CSGALNACT1: variants seen among roughly 807,000 people sequenced by gnomAD.
The protein encoded by CSGALNACT1 is chondroitin sulfate N-acetylgalactosaminyltransferase 1.
In CSGALNACT1, 52 loss-of-function variants were observed where a neutral mutation model predicts 51.0. The observed-to-expected ratio is 1.02, with a 90% CI of 0.82 to 1.29. The LOEUF is 1.29. Ranked by LOEUF, CSGALNACT1 falls within the 50% of genes most tolerant of loss-of-function variation. The pLI is 0.00. For missense variants in CSGALNACT1, 935 were observed against 679.2 expected (o/e 1.38, Z -4.19); for synonymous variants, 341 against 254.4 (o/e 1.34, Z -3.24).
intron 6 of CSGALNACT1, among the ~76,000 whole-genome samples, chr8:19,421,863 C>A (rs1259296293): frequency 6.6e-6 from 1 of 152,126 alleles, no homozygotes; most frequent in Non-Finnish European, 1.5e-5. Context: ...ACATGCCTTT[C>A]AGATTTGGAT....
At chr8:19,745,707 C>G (rs2154251543) in intron 1 of CSGALNACT1, among the ~76,000 whole-genome samples, 1 of 152,212 alleles carries the variant, frequency 6.6e-6, no homozygotes, top group South Asian at 2.1e-4. Context: ...CTCACCATCC[C>G]CAGGGAATAT....
At chr8:19,686,736 C>T (rs1259560825), upstream of CSGALNACT1, among the ~76,000 whole-genome samples, 1 of 152,206 alleles carries the variant, frequency 6.6e-6, no homozygotes, top group Admixed American at 6.5e-5. Flanking sequence ...AGGGAGGGAA[C>T]ATTCAGAAAT....
intron 1 of CSGALNACT1, among the ~76,000 whole-genome samples, chr8:19,696,021 A>G (rs4921669): frequency 0.76 from 115,616 of 152,166 alleles, 44,060 homozygotes; most frequent in East Asian, 0.85. Context: ...AATTTTTAAA[A>G]ACTTTAAAGA....
intron 8 of CSGALNACT1, among the ~76,000 whole-genome samples, chr8:19,418,319 C>T (rs939993604): frequency 1.3e-5 from 2 of 152,116 alleles, no homozygotes; most frequent in African/African-American, 4.8e-5. Context: ...TAAATCTCAC[C>T]TTTGTTACCT....
chr8:19,666,809 A>AAGAAAGAAAGAGAGAGAGAG, intron 1 of CSGALNACT1, among the ~76,000 whole-genome samples: 1 of 25,064 alleles, frequency 4.0e-5, no homozygotes, highest in Admixed American at 4.9e-4. Context: ...GAAAGAAAGA[A>AAGAAAGAAAGAGAGAGAGAG]AGAGAGAGAG....
intron 1 of CSGALNACT1, among the ~76,000 whole-genome samples, chr8:19,664,896 G>C (rs990871866): frequency 2.6e-5 from 4 of 152,198 alleles, no homozygotes; most frequent in Admixed American, 2.0e-4. Context: ...ATGGGAGGAT[G>C]GGGGGTGAGA....
intron 3 of CSGALNACT1, among the ~76,000 whole-genome samples, chr8:19,586,917 T>G (rs79459641): frequency 0.013 from 2,055 of 152,328 alleles, 41 homozygotes; most frequent in African/African-American, 0.046. Flanking sequence ...ACGAAATTCT[T>G]CTTTGAAAAA....
At position 19,682,294 on chromosome 8, in the gene CSGALNACT1, C is replaced by T. The variant is rs1006591305; in HGVS notation, c.-544+179G>A. 2.0e-5 allele frequency among the ~76,000 whole-genome samples: 3 copies of T among 152,220 alleles called. No homozygotes were observed. In the East Asian group the frequency reaches 5.8e-4, roughly 29 times the overall value. ...CTGTCTCTCCTCTCCCTGCTTTGGG[C>T]CGCTAGGCAATGTGCCCAGAAGGTC... On this transcript the variant is annotated intron_variant, in intron 1 of 9. Coordinates refer to the CSGALNACT1 transcript ENST00000332246.
At chr8:19,526,663 G>A (rs1428915751) in intron 3 of CSGALNACT1, among the ~76,000 whole-genome samples, 1 of 151,752 alleles carries the variant, frequency 6.6e-6, no homozygotes, top group Non-Finnish European at 1.5e-5. Flanking sequence ...TTACTTAAAG[G>A]AGCCACAATC....
At chr8:19,522,271 T>C (rs574497891) in intron 3 of CSGALNACT1, among the ~76,000 whole-genome samples, 4 of 152,268 alleles carry the variant, frequency 2.6e-5, no homozygotes, top group East Asian at 3.9e-4. Flanking sequence ...TTGGTGTGTA[T>C]ACACAGGTAC....
At chr8:19,470,050 T>G (rs1005365214) in intron 4 of CSGALNACT1, among the ~76,000 whole-genome samples, 31 of 152,172 alleles carry the variant, frequency 2.0e-4, no homozygotes, top group African/African-American at 7.0e-4. Flanking sequence ...AGCAACATAC[T>G]TCCTTCATAT....
upstream of CSGALNACT1, among the ~76,000 whole-genome samples, chr8:19,606,500 A>T (rs2051390508): frequency 6.6e-6 from 1 of 152,218 alleles, no homozygotes; most frequent in African/African-American, 2.4e-5. Flanking sequence ...ACATTAAATA[A>T]TTTTACTGCA....
At chr8:19,552,475 C>G (rs540100353) in intron 3 of CSGALNACT1, among the ~76,000 whole-genome samples, 1 of 152,246 alleles carries the variant, frequency 6.6e-6, no homozygotes, top group South Asian at 2.1e-4. Flanking sequence ...AGAAAATTAT[C>G]ACTCCGAGAC....
chr8:19,532,129 G>C (rs538997836), intron 3 of CSGALNACT1: 14 of 151,484 alleles, frequency 9.2e-5, no homozygotes, highest in African/African-American at 3.4e-4. Context: ...AGCCTTCGTC[G>C]CTGTTTCTTT....
chr8:19,436,617 C>T (rs552512113), intron 6 of CSGALNACT1, among the ~76,000 whole-genome samples: 4 of 152,202 alleles, frequency 2.6e-5, no homozygotes, highest in Admixed American at 6.5e-5. Flanking sequence ...ATATAGATTA[C>T]TATGGGAGGC....
intron 3 of CSGALNACT1, among the ~76,000 whole-genome samples, chr8:19,523,081 C>A (rs2081036394): frequency 6.6e-6 from 1 of 152,164 alleles, no homozygotes. Flanking sequence ...ATTACCACCA[C>A]TGCATTGCAA....
At chr8:19,566,567 C>A (rs2041949187) in intron 3 of CSGALNACT1, among the ~76,000 whole-genome samples, 2 of 151,994 alleles carry the variant, frequency 1.3e-5, no homozygotes, top group Admixed American at 6.6e-5. Flanking sequence ...ATATTAGTTA[C>A]CAAAAAAGAT....
intron 4 of CSGALNACT1, among the ~76,000 whole-genome samples, chr8:19,474,441 A>G: frequency 6.6e-6 from 1 of 152,232 alleles, no homozygotes; most frequent in Non-Finnish European, 1.5e-5. Context: ...AGTGGAATCG[A>G]AATAACATAT....
intron 1 of CSGALNACT1, among the ~76,000 whole-genome samples, chr8:19,702,050 T>G (rs562203826): frequency 6.6e-6 from 1 of 152,248 alleles, no homozygotes. Context: ...ATTGGCTTCA[T>G]AAGTGCCTAC....
Sources: allele counts gnomAD v4.1 joint callset (sites outside exome capture counted in the v4.1 genomes callset), GRCh38; gene constraint gnomAD v4.1.1; transcripts MANE v1.5; gene names NCBI Gene and HGNC (gene_info 2026-07-23, HGNC 2026-07-21).